MAST4: variants seen among roughly 807,000 people sequenced by gnomAD.
MAST4 encodes the protein microtubule-associated serine/threonine-protein kinase 4.
In MAST4, 89 loss-of-function variants were observed where a neutral mutation model predicts 162.7. The ratio of observed to expected loss-of-function variants is 0.55; its 90% confidence interval spans 0.46 to 0.65. MAST4 has a LOEUF of 0.65. MAST4 is among the 30% of genes least tolerant of loss of function. MAST4 has a pLI of 0.00. For missense variants in MAST4, 3,153 were observed against 3,374.0 expected, an observed-to-expected ratio of 0.93 and a Z score of 1.62; for synonymous variants, 1,479 against 1,361.1, an observed-to-expected ratio of 1.09 and a Z score of -1.91.
intron 1 of MAST4, among the ~76,000 whole-genome samples, chr5:66,675,488 C>T (rs1317359449): frequency 6.6e-6 from 1 of 152,138 alleles, no homozygotes; most frequent in Non-Finnish European, 1.5e-5. Flanking sequence ...AAAGGCCTTT[C>T]CTGAACTCCC....
intron 1 of MAST4, among the ~76,000 whole-genome samples, chr5:66,694,731 C>T (rs1749286551): frequency 2.0e-5 from 3 of 152,182 alleles, no homozygotes; most frequent in Admixed American, 1.3e-4. Flanking sequence ...AGGTGATCCG[C>T]CCACCTTGGC....
At chr5:67,072,257 T>A (rs114984271) in intron 5 of MAST4, among the ~76,000 whole-genome samples, 354 of 152,332 alleles carry the variant, frequency 2.3e-3, no homozygotes, top group Non-Finnish European at 3.4e-3. Flanking sequence ...ATTCTAAGAG[T>A]GCTGATTAGT....
chr5:67,146,974 A>G (rs973699255), intron 23 of MAST4, among the ~76,000 whole-genome samples: 4 of 152,144 alleles, frequency 2.6e-5, no homozygotes, highest in Admixed American at 2.6e-4. Context: ...ACCTCCATTT[A>G]AAATTTTTTT....
At chr5:66,988,293 T>C (rs909508994) in intron 4 of MAST4, among the ~76,000 whole-genome samples, 5 of 152,168 alleles carry the variant, frequency 3.3e-5, no homozygotes, top group Non-Finnish European at 7.4e-5. Flanking sequence ...AGAAAAAACT[T>C]TGGGAAGGAA....
In MAST4 at chr5:66,596,965, G is replaced by A. The variant is rs1347443746; in HGVS notation, c.310G>A (p.Val104Met). The change falls in exon 1 of 29, where the codon GTG becomes ATG. Residue 104 changes from valine (V) to methionine (M), a missense_variant. This residue lies in a region of MAST4 where 327 missense variants were observed against 336.5 expected (regional missense o/e 0.97). Coordinates refer to ENST00000403625, the MANE Select transcript of MAST4 (RefSeq NM_001164664.2). ...ALPPPLPGGAVPPAPRGSSAS... is the reference protein window; with the variant it reads ...ALPPPLPGGAMPPAPRGSSAS... ...GCCGCCGCCGCTTCCCGGAGGAGCT[G>A]TGCCGCCCGCGCCCCGGGGCAGCAG... 2.1e-6 allele frequency: 3 copies of A among 1,446,254 alleles called. No individual in the cohort carries two copies. Among genetic ancestry groups the A allele is most frequent in the African/African-American group, 2.9e-5 (2 of 67,820 alleles). 89.6% of individuals were successfully genotyped at this position (1,446,254 alleles called of 1,614,324 possible).
At position 67,078,907 on chromosome 5, in the gene MAST4, T is replaced by A. The variant is rs1409134934; in HGVS notation, c.764-11255T>A. On this transcript the variant is annotated intron_variant, in intron 5 of 28. Coordinates refer to ENST00000403625, the MANE Select transcript of MAST4 (RefSeq NM_001164664.2). The stretch of plus-strand genomic sequence containing the variant: ...ATATTTATATATTTATATATTTTTA[T>A]ATAAATATATATATATATATATATA... Among the ~76,000 whole-genome samples, 47 of 21,510 alleles carry A rather than the reference T, an allele frequency of 2.2e-3. 1 individual carries two copies. The highest frequency in any genetic ancestry group is 8.2e-3 in the African/African-American group (39 of 4,780). 14.1% of individuals were successfully genotyped at this position (21,510 alleles called of 152,430 possible).
chr5:66,810,973 C>G (rs1020355899), intron 3 of MAST4, among the ~76,000 whole-genome samples: 1 of 152,204 alleles, frequency 6.6e-6, no homozygotes, highest in African/African-American at 2.4e-5. Context: ...TCCTTTCCCT[C>G]TATTCTTCTA....
rs190105152 is a variant in MAST4, at chr5:66,733,426, T to C, written c.364-26283T>C. 1.9e-4 allele frequency among the ~76,000 whole-genome samples: 29 copies of C among 152,310 alleles called. No homozygotes were observed. The East Asian group carries it at 2.3e-3, about 12-fold the overall frequency. ...ACCACAGAAATTCATCTTATAGATA[T>C]CTTTCATTCTGTAGGTTGGAACCCA... On this transcript the variant is annotated intron_variant, in intron 1 of 28. Transcript: ENST00000403625.
At chr5:67,055,516 G>T (rs1056610507) in intron 5 of MAST4, among the ~76,000 whole-genome samples, 2 of 152,178 alleles carry the variant, frequency 1.3e-5, no homozygotes, top group African/African-American at 4.8e-5. Context: ...GGAGTTGTCT[G>T]TTATATTACT....
At chr5:66,980,490 C>T (rs1320817229) in intron 4 of MAST4, among the ~76,000 whole-genome samples, 1 of 152,188 alleles carries the variant, frequency 6.6e-6, no homozygotes, top group African/African-American at 2.4e-5. Context: ...GGATTGATCC[C>T]ACTGACTAAA....
chr5:67,095,447 T>A, intron 6 of MAST4, 150 bp from the exon 7 acceptor site: 1 of 533,170 alleles, frequency 1.9e-6, no homozygotes. Context: ...TACTGTATAA[T>A]GTTTGTTTAC....
At chr5:66,925,898 G>A (rs1764856359) in intron 4 of MAST4, among the ~76,000 whole-genome samples, 1 of 151,826 alleles carries the variant, frequency 6.6e-6, no homozygotes, top group African/African-American at 2.4e-5. Flanking sequence ...CTAATATAAT[G>A]GTGAATGTTG....
In MAST4 at chr5:67,071,520, AG is replaced by A. The variant is rs950270067; in HGVS notation, c.763+17036del. ...GTAATCCCAGCACTTTGGAAGGCCA[AG>A]GGGGGGGCGGGGTGTATCACCTGAG... is the stretch of plus-strand genomic sequence containing the variant. On this transcript the variant is annotated intron_variant, in intron 5 of 28. Coordinates refer to ENST00000403625, the MANE Select transcript of MAST4 (RefSeq NM_001164664.2). 4.7e-5 allele frequency among the ~76,000 whole-genome samples: 7 copies of A among 148,204 alleles called. No individual in the cohort carries two copies. In the South Asian group the frequency reaches 8.7e-4, roughly 18 times the overall value.
intron 4 of MAST4, among the ~76,000 whole-genome samples, chr5:66,939,568 A>G (rs961383850): frequency 2.6e-5 from 4 of 152,098 alleles, no homozygotes; most frequent in African/African-American, 4.8e-5. Flanking sequence ...GCCATTATGT[A>G]TCTGGGGTCA....
chr5:67,027,000 A>T (rs1175071206), intron 4 of MAST4, among the ~76,000 whole-genome samples: 2 of 152,176 alleles, frequency 1.3e-5, no homozygotes, highest in African/African-American at 2.4e-5. Flanking sequence ...GGAAGGTAGG[A>T]TATAATATAT....
intron 10 of MAST4, among the ~76,000 whole-genome samples, chr5:67,106,799 G>A (rs1312905780): frequency 6.6e-6 from 1 of 152,094 alleles, no homozygotes; most frequent in Non-Finnish European, 1.5e-5. Flanking sequence ...AGCAGACAGG[G>A]GGCTCTTTGA....
At chr5:66,738,396 A>G (rs1474419589) in intron 1 of MAST4, 1 of 152,234 alleles carries the variant, frequency 6.6e-6, no homozygotes, top group Non-Finnish European at 1.5e-5. Context: ...AGAGCACAAT[A>G]TTATTGTATG....
chr5:66,789,617 T>C, intron 3 of MAST4: 1 of 433,632 alleles, frequency 2.3e-6, no homozygotes, highest in Non-Finnish European at 4.7e-6. Context: ...ACGACACTGG[T>C]GATGTCAAGT....
intron 1 of MAST4, among the ~76,000 whole-genome samples, chr5:66,639,902 A>G (rs996286233): frequency 6.6e-6 from 1 of 152,216 alleles, no homozygotes; most frequent in Non-Finnish European, 1.5e-5. Flanking sequence ...CAGTGAAGCC[A>G]ATTGATATAT....
Sources: allele counts gnomAD v4.1 joint callset (sites outside exome capture counted in the v4.1 genomes callset), GRCh38; gene constraint gnomAD v4.1.1; regional missense constraint gnomAD v4.1.1; transcripts MANE v1.5; gene names NCBI Gene and HGNC (gene_info 2026-07-23, HGNC 2026-07-21).